The following POU5F1 variants were observed in gnomAD, a reference collection of about 807,000 sequenced individuals.
POU5F1 encodes the protein POU domain, class 5, transcription factor 1.
Under a neutral mutation model 38.3 loss-of-function variants are expected in POU5F1, and 6 were observed. That is an observed-to-expected ratio of 0.16 (90% confidence interval 0.09 to 0.31). The LOEUF is 0.31. Ranked by LOEUF, POU5F1 falls within the 10% of genes least tolerant of loss-of-function variation. The pLI is 1.00. For synonymous variants in POU5F1, 147 were observed against 194.9 expected (o/e 0.75, Z 2.05); for missense variants, 286 against 462.6 (o/e 0.62, Z 3.50).
rs1486650077 is a variant in POU5F1, at chr6:31,164,798, C to G, written c.886G>C (p.Glu296Gln). The G allele has an allele frequency of 6.2e-7, 1 of 1,612,786 alleles. No homozygotes were observed. Among genetic ancestry groups the G allele is most frequent in the African/African-American group, 1.3e-5 (1 of 74,910 alleles). Reference sequence around the variant, plus strand: ...GGAGACCCAGCAGCCTCAAAATCCTCTCGTTGTGCATAGTCGCTGCTTGAT... The same window carrying G: ...GGAGACCCAGCAGCCTCAAAATCCTGTCGTTGTGCATAGTCGCTGCTTGAT... ...KRSSSDYAQR[E>Q]DFEAAGSPFS... The change falls in exon 5 of 5, where the codon GAG becomes CAG. Residue 296 changes from glutamate to glutamine, a missense_variant. Physicochemically the swap from Glu to Gln is conservative, Grantham distance 29. Transcript: ENST00000259915.
chr6:31,165,876 G>C lies in POU5F1; in HGVS notation c.526+51C>G, dbSNP rs1227144047. 1 of 1,611,148 alleles carries C rather than the reference G, an allele frequency of 6.2e-7. No individual in the cohort carries two copies. Among genetic ancestry groups the C allele is most frequent in the Non-Finnish European group, 8.5e-7 (1 of 1,178,194 alleles). On this transcript the variant is annotated intron_variant, in intron 2 of 4. Transcript: ENST00000259915. The surrounding 1 kb of genome is among the most constrained non-coding windows in gnomAD (Gnocchi z 6.5). ...CCCTGCCCCTCCCCACTAGGTTCAGGGATACTCCTTAGAGGGGAGATGCGG... is the reference window on the plus strand; with the variant it reads ...CCCTGCCCCTCCCCACTAGGTTCAGCGATACTCCTTAGAGGGGAGATGCGG...
At position 31,166,426 on chromosome 6, in the gene POU5F1, C is replaced by T. The variant is rs1561857678; in HGVS notation, c.406-379G>A. 11 of 1,365,876 alleles carry T rather than the reference C, an allele frequency of 8.1e-6. 1 individual carries two copies. The highest frequency in any genetic ancestry group is 1.2e-5 in the South Asian group (1 of 80,714). 84.6% of individuals were successfully genotyped at this position (1,365,876 alleles called of 1,614,324 possible). On this transcript the variant is annotated intron_variant, in intron 1 of 4. Transcript: ENST00000259915. ...CTATAATTCCAGCACTTTGGGAGGCCGAGGTGGGCAGATCACGAGGTCAGG... is the reference window on the plus strand; with the variant it reads ...CTATAATTCCAGCACTTTGGGAGGCTGAGGTGGGCAGATCACGAGGTCAGG...
intron 4 of POU5F1, 50 bp from the exon 5 acceptor site, chr6:31,164,917 C>T (rs375055989): frequency 1.0e-4 from 111 of 1,101,406 alleles, no homozygotes; most frequent in Non-Finnish European, 1.2e-4. Context: ...TGAGCTGAGA[C>T]GGGCCTGACT....
rs756413624 is a variant in POU5F1, at chr6:31,165,644, T to C, written c.584A>G (p.Lys195Arg). The C allele has an allele frequency of 1.9e-5, 31 of 1,613,962 alleles. No individual in the cohort carries two copies. The highest frequency in any genetic ancestry group is 2.5e-5 in the Non-Finnish European group (30 of 1,179,996). Residue 195 changes from lysine to arginine, a missense_variant, in exon 3 of 5, where the codon AAG becomes AGG. Coordinates refer to ENST00000259915, the MANE Select transcript of POU5F1 (RefSeq NM_002701.6). This position sits in a 1 kb window ranked among gnomAD's most constrained non-coding sequence, Gnocchi z 6.5. ...CAAGGGCCGCAGCTTACACATGTTCTTGAAGCTAAGCTGCAGAGCCTCAAA... is the reference window on the plus strand; with the variant it reads ...CAAGGGCCGCAGCTTACACATGTTCCTGAAGCTAAGCTGCAGAGCCTCAAA... ...CRFEALQLSF[K>R]NMCKLRPLLQ...
At chr6:31,170,170 G>T in intron 1 of POU5F1, 46 bp downstream of exon 1, 1 of 1,612,388 alleles carries the variant, frequency 6.2e-7, no homozygotes, top group East Asian at 2.2e-5. Flanking sequence ...AGGCTGCCCT[G>T]TCATGACCAC....
intron 1 of POU5F1, among the ~76,000 whole-genome samples, chr6:31,167,960 C>CAA (rs9281237): frequency 6.6e-6 from 1 of 150,884 alleles, no homozygotes; most frequent in African/African-American, 2.4e-5. Context: ...TTCTCCCCAC[C>CAA]AAGACGGAAT....
At chr6:31,166,091 C>A (rs1207984449) in intron 1 of POU5F1, 44 bp from the exon 2 acceptor site, 3 of 1,614,086 alleles carry the variant, frequency 1.9e-6, no homozygotes, top group South Asian at 2.2e-5. Context: ...ATAAACACAC[C>A]AGTTATCAAT....
At chr6:31,169,647 C>T (rs1777518651) in intron 1 of POU5F1, among the ~76,000 whole-genome samples, 1 of 152,074 alleles carries the variant, frequency 6.6e-6, no homozygotes, top group Non-Finnish European at 1.5e-5. Flanking sequence ...GAGGTAAACC[C>T]AGCTCACAAC....
intron 1 of POU5F1, among the ~76,000 whole-genome samples, chr6:31,168,885 C>T (rs1777473115): frequency 6.6e-6 from 1 of 152,094 alleles, no homozygotes; most frequent in Non-Finnish European, 1.5e-5. Context: ...ATGAGGCTGC[C>T]GGCAGACAGA....
Position 31,164,700 on chromosome 6 carries a change from A to T in POU5F1, c.984T>A (p.Pro328=), listed in dbSNP as rs1158543431. 6.3e-7 allele frequency: 1 copy of T among 1,592,636 alleles called. No individual in the cohort carries two copies. The highest frequency in any genetic ancestry group is 8.5e-7 in the Non-Finnish European group (1 of 1,169,890). The change falls in exon 5 of 5, where the codon CCT becomes CCA. Residue 328 remains proline, a synonymous_variant. Coordinates refer to ENST00000259915, the MANE Select transcript of POU5F1 (RefSeq NM_002701.6). ...PHFGTPGYGS[P]HFTALYSSVP... is the part of the protein sequence containing the mutation. ...CCGAGGAGTACAGTGCAGTGAAGTGAGGGCTCCCATAGCCTGGGGTACCAA... is the reference window on the plus strand; with the variant it reads ...CCGAGGAGTACAGTGCAGTGAAGTGTGGGCTCCCATAGCCTGGGGTACCAA...
intron 1 of POU5F1, 83 bp downstream of exon 1, chr6:31,170,133 G>A: frequency 1.2e-6 from 2 of 1,606,846 alleles, no homozygotes; most frequent in Non-Finnish European, 1.7e-6. Flanking sequence ...CCAGGTCTGG[G>A]CAGCTGCAGG....
chr6:31,170,060 A>G, intron 1 of POU5F1, 156 bp downstream of exon 1: 2 of 1,211,592 alleles, frequency 1.7e-6, no homozygotes, highest in South Asian at 2.9e-5. Context: ...CAGGGCTGCC[A>G]GCAGTTGATA....
intron 1 of POU5F1, 195 bp downstream of exon 1, chr6:31,170,021 C>T (rs56071357): frequency 0.17 from 140,335 of 814,274 alleles, 14,648 homozygotes; most frequent in Middle Eastern, 0.26. Context: ...CGAAATCCAG[C>T]TTCCACTTCC....
chr6:31,170,203 G>C lies in POU5F1; in HGVS notation c.405+13C>G. The C allele has an allele frequency of 6.2e-7, 1 of 1,612,854 alleles. No individual in the cohort carries two copies. Among genetic ancestry groups the C allele is most frequent in the Non-Finnish European group, 8.5e-7 (1 of 1,179,822 alleles). On this transcript the variant is annotated intron_variant, in intron 1 of 4. Transcript: ENST00000259915. The stretch of plus-strand genomic sequence containing the variant: ...CACCTCCCCACACCCCAACCCCGTC[G>C]AAGCTCACTTGCCTCCTCCGGGTTT...
chr6:31,169,825 G>A (rs369021624), intron 1 of POU5F1: 2 of 319,092 alleles, frequency 6.3e-6, no homozygotes, highest in East Asian at 1.2e-4. Flanking sequence ...CAGGACTAAG[G>A]GTGGGAAAAG....
intron 1 of POU5F1, among the ~76,000 whole-genome samples, chr6:31,168,464 A>C (rs991018215): frequency 6.6e-6 from 1 of 151,870 alleles, no homozygotes; most frequent in African/African-American, 2.4e-5. Context: ...CGAACTCCCG[A>C]CCTCAGGTGA....
intron 1 of POU5F1, chr6:31,166,253 T>C (rs1456136909): frequency 1.9e-6 from 3 of 1,545,356 alleles, no homozygotes; most frequent in East Asian, 4.9e-5. Context: ...GACTCATGCA[T>C]GTAACAAAGG....
chr6:31,165,050 T>C lies in POU5F1; in HGVS notation c.816+78A>G, dbSNP rs370667419. 32 of 1,564,186 alleles carry C rather than the reference T, an allele frequency of 2.0e-5. No individual in the cohort carries two copies. In the East Asian group the frequency reaches 4.3e-4, roughly 21 times the overall value. On this transcript the variant is annotated intron_variant, in intron 4 of 4. Coordinates refer to ENST00000259915, the MANE Select transcript of POU5F1 (RefSeq NM_002701.6). The surrounding 1 kb of genome is among the most constrained non-coding windows in gnomAD (Gnocchi z 6.5). ...TCCAAAGCCAACAGCCCTAGAGCAG[T>C]TGGAGGAGCCAGAGCTAGGGAAAGC...
In POU5F1 at chr6:31,164,414, A is replaced by G; in HGVS notation, c.*187T>C. On this transcript the variant is annotated 3_prime_UTR_variant, in exon 5 of 5. Coordinates refer to ENST00000259915, the MANE Select transcript of POU5F1 (RefSeq NM_002701.6). ...TACATGATGTGGGATTAAAATCAAG[A>G]GCATCATTGAACTTCACCTTCCCTC... 9.0e-7 allele frequency: 1 copy of G among 1,109,952 alleles called. No homozygotes were observed. Among genetic ancestry groups the G allele is most frequent in the Admixed American group, 2.8e-5 (1 of 35,374 alleles). 68.8% of individuals were successfully genotyped at this position (1,109,952 alleles called of 1,614,324 possible).
Sources: gnomAD v4.1 joint callset for allele counts (sites outside exome capture counted in the v4.1 genomes callset) on GRCh38, gnomAD v4.1.1 for gene constraint, Gnocchi (gnomAD v3.1) non-coding constraint, MANE v1.5 for transcripts, NCBI Gene and HGNC (gene_info 2026-07-23, HGNC 2026-07-21) for gene names.